PRDM16: variants seen among roughly 807,000 people sequenced by gnomAD.
PRDM16 encodes PR/SET domain 16.
Under a neutral mutation model 110.6 loss-of-function variants are expected in PRDM16, and 23 were observed. That is an observed-to-expected ratio of 0.21 (90% confidence interval 0.15 to 0.29). PRDM16 has a LOEUF of 0.29. PRDM16 is among the 10% of genes least tolerant of loss of function. The pLI, the probability that PRDM16 is intolerant of heterozygous loss-of-function variation, is 1.00. For synonymous variants in PRDM16, 799 were observed against 781.8 expected (o/e 1.02, Z -0.37); for missense variants, 1,615 against 1,794.3 (o/e 0.90, Z 1.81).
intron 1 of PRDM16, among the ~76,000 whole-genome samples, chr1:3,104,735 T>C (rs1036271841): frequency 6.6e-6 from 1 of 151,470 alleles, no homozygotes; most frequent in Admixed American, 6.6e-5. Flanking sequence ...AGCCCCCACC[T>C]CCCCACGTCA....
In PRDM16 at chr1:3,435,958, T is replaced by C. The variant is rs1557677000; in HGVS notation, c.*2147T>C. ...GGCCCCGCCGGGGCAGCGGGGGAGC[T>C]GCCTGCAGAAGAGCCAGCTGGCGTG... On this transcript the variant is annotated 3_prime_UTR_variant, in exon 17 of 17. Transcript: ENST00000270722. 1 of 230,866 alleles carries C rather than the reference T, an allele frequency of 4.3e-6. No individual in the cohort carries two copies. The highest frequency in any genetic ancestry group is 8.6e-6 in the Non-Finnish European group (1 of 116,690). The allele number at this position is 230,866 out of a possible 1,614,324, so 14.3% of individuals were successfully genotyped here. A position where few individuals can be genotyped will look rare whatever the true frequency, so the allele number is the denominator to read the frequency against.
At chr1:3,212,168 C>A (rs950650432) in intron 2 of PRDM16, among the ~76,000 whole-genome samples, 2 of 152,162 alleles carry the variant, frequency 1.3e-5, no homozygotes, top group African/African-American at 4.8e-5. Context: ...TCACTGGGAG[C>A]CTGATATACT....
intron 1 of PRDM16, among the ~76,000 whole-genome samples, chr1:3,167,025 A>G (rs566863645): frequency 6.6e-4 from 100 of 152,280 alleles, no homozygotes; most frequent in Admixed American, 1.6e-3. Flanking sequence ...ACTGCCCTCC[A>G]TCCCCAGAAG....
intron 3 of PRDM16, among the ~76,000 whole-genome samples, chr1:3,297,520 G>A (rs146979014): frequency 6.6e-6 from 1 of 152,130 alleles, no homozygotes; most frequent in Non-Finnish European, 1.5e-5. Context: ...CTGACCTCAG[G>A]TGATCCACCC....
In PRDM16 at chr1:3,425,075, CTTTTTTT is replaced by C. The variant is rs34261616; in HGVS notation, c.2940-492_2940-486del. 3 of 123,076 alleles carry C rather than the reference CTTTTTTT, an allele frequency of 2.4e-5. No individual in the cohort carries two copies. The highest frequency in any genetic ancestry group is 2.8e-4 in the South Asian group (1 of 3,566). The allele number at this position is 123,076 out of a possible 1,614,324, so 7.6% of individuals were successfully genotyped here. ...CAGTAGGAGGGTGAACGCCTGCTTG[CTTTTTTT>C]TTTTTTTTTTTTTGAGATGGAGTCT... On this transcript the variant is annotated intron_variant, in intron 12 of 16. Transcript: ENST00000270722. The surrounding 1 kb of genome is among the most constrained non-coding windows in gnomAD (Gnocchi z 6.9).
At chr1:3,262,757 G>T (rs1247622260) in intron 3 of PRDM16, among the ~76,000 whole-genome samples, 1 of 152,216 alleles carries the variant, frequency 6.6e-6, no homozygotes, top group African/African-American at 2.4e-5. Context: ...AAACATGAGG[G>T]TGTGCGAGCA....
chr1:3,415,745 C>T (rs1638232471), intron 10 of PRDM16, among the ~76,000 whole-genome samples: 1 of 152,228 alleles, frequency 6.6e-6, no homozygotes, highest in Admixed American at 6.5e-5. Flanking sequence ...CCCCCACGGG[C>T]CTGCCACCCC....
At position 3,348,981 on chromosome 1, in the gene PRDM16, G is replaced by A. The variant is rs112962913; in HGVS notation, c.439-36171G>A. Among the ~76,000 whole-genome samples the A allele has an allele frequency of 6.0e-3, 906 of 152,256 alleles. 7 individuals carry two copies. Among genetic ancestry groups the A allele is most frequent in the African/African-American group, 0.02 (849 of 41,548 alleles). Reference sequence around the variant, plus strand: ...GGGTCCACCGGGGCAGCGCTGGCCTGGGAACAGCCCACTGGCATGGCTCTG... The same window carrying A: ...GGGTCCACCGGGGCAGCGCTGGCCTAGGAACAGCCCACTGGCATGGCTCTG... On this transcript the variant is annotated intron_variant, in intron 3 of 16. Coordinates refer to ENST00000270722, the MANE Select transcript of PRDM16 (RefSeq NM_022114.4).
chr1:3,071,693 C>T (rs984569422), intron 1 of PRDM16, among the ~76,000 whole-genome samples: 1 of 151,950 alleles, frequency 6.6e-6, no homozygotes, highest in Non-Finnish European at 1.5e-5. Flanking sequence ...GCACTCCAGC[C>T]AGCAGGTCCT....
chr1:3,422,517 C>T (rs373661253), intron 12 of PRDM16, among the ~76,000 whole-genome samples: 93 of 152,374 alleles, frequency 6.1e-4, no homozygotes, highest in African/African-American at 1.9e-3. Flanking sequence ...GGGCTGGAGA[C>T]GCAGAGTCCA....
chr1:3,099,717 C>T (rs1642488237), intron 1 of PRDM16, among the ~76,000 whole-genome samples: 1 of 152,218 alleles, frequency 6.6e-6, no homozygotes, highest in Non-Finnish European at 1.5e-5. Flanking sequence ...AGGCTGGGGC[C>T]ACCCACCAGG....
intron 3 of PRDM16, among the ~76,000 whole-genome samples, chr1:3,273,905 G>A (rs888338170): frequency 2.9e-5 from 4 of 138,616 alleles, no homozygotes; most frequent in Non-Finnish European, 4.8e-5. Context: ...GCGTGTGCAC[G>A]TGTGGCATGT....
intron 2 of PRDM16, among the ~76,000 whole-genome samples, chr1:3,189,606 C>T (rs778764620): frequency 5.9e-5 from 9 of 152,214 alleles, no homozygotes; most frequent in South Asian, 2.1e-4. Context: ...GTAATGTCCA[C>T]GGTATTTATT....
chr1:3,343,727 G>A (rs897935357), intron 3 of PRDM16, among the ~76,000 whole-genome samples: 11 of 151,902 alleles, frequency 7.2e-5, no homozygotes, highest in South Asian at 6.2e-4. Flanking sequence ...TCCGCCTCCC[G>A]GGTTCTCCGC....
At chr1:3,423,547 G>A (rs1439109335) in intron 12 of PRDM16, among the ~76,000 whole-genome samples, 1 of 152,210 alleles carries the variant, frequency 6.6e-6, no homozygotes, top group Non-Finnish European at 1.5e-5. Flanking sequence ...GGACTCCCGA[G>A]TGTCACCAGG....
intron 14 of PRDM16, among the ~76,000 whole-genome samples, chr1:3,426,664 A>G (rs1638616514): frequency 6.6e-6 from 1 of 152,178 alleles, no homozygotes; most frequent in Non-Finnish European, 1.5e-5. Flanking sequence ...ATGCACACAT[A>G]GGTATGCCCC....
intron 1 of PRDM16, among the ~76,000 whole-genome samples, chr1:3,145,275 C>T (rs1569678185): frequency 6.6e-6 from 1 of 152,184 alleles, no homozygotes; most frequent in Non-Finnish European, 1.5e-5. Flanking sequence ...GTCAGTTCCT[C>T]AAAGCACCTG....
At position 3,358,431 on chromosome 1, in the gene PRDM16, C is replaced by T. The variant is rs1157170258; in HGVS notation, c.439-26721C>T. Among the ~76,000 whole-genome samples, 1 of 152,170 alleles carries T rather than the reference C, an allele frequency of 6.6e-6. No individual in the cohort carries two copies. The highest frequency in any genetic ancestry group is 1.5e-5 in the Non-Finnish European group (1 of 68,040). On this transcript the variant is annotated intron_variant, in intron 3 of 16. Transcript: ENST00000270722. The surrounding 1 kb of genome is among the most constrained non-coding windows in gnomAD (Gnocchi z 4.0). ...AGACCTCGGCGGGTACAGAAAATCT[C>T]CCACAGTGGAGGAGGTGTTGTCTCC...
intron 2 of PRDM16, among the ~76,000 whole-genome samples, chr1:3,212,043 G>A (rs765174303): frequency 6.6e-6 from 1 of 152,170 alleles, no homozygotes; most frequent in South Asian, 2.1e-4. Context: ...TCTTTGGGCC[G>A]TCAGTTTGGG....
Sources: gnomAD v4.1 joint callset for allele counts (sites outside exome capture counted in the v4.1 genomes callset) on GRCh38, gnomAD v4.1.1 for gene constraint, Gnocchi (gnomAD v3.1) non-coding constraint, MANE v1.5 for transcripts, NCBI Gene and HGNC (gene_info 2026-07-23, HGNC 2026-07-21) for gene names.